The following DLK2 variants were observed in gnomAD, a reference collection of about 807,000 sequenced individuals.
DLK2 encodes the protein protein delta homolog 2.
DLK2 carries 9 observed loss-of-function variants against 31.3 expected under a neutral mutation model. That is an observed-to-expected ratio of 0.29 (90% CI 0.17 to 0.50). The LOEUF (loss-of-function observed/expected upper bound fraction) is 0.50. Ranked by LOEUF, DLK2 falls within the 20% of genes least tolerant of loss-of-function variation. DLK2 has a pLI of 0.98. For synonymous variants in DLK2, 169 were observed against 201.2 expected (o/e 0.84, Z 1.35); for missense variants, 387 against 526.1 (o/e 0.74, Z 2.59).
In DLK2 at chr6:43,451,097, G is replaced by A. The variant is rs752942681; in HGVS notation, c.594C>T (p.Cys198=). Residue 198 remains cysteine, a synonymous_variant, in exon 6 of 6, where the codon TGC becomes TGT. Transcript: ENST00000372488. The surrounding 1 kb of genome is among the most constrained non-coding windows in gnomAD (Gnocchi z 4.4). ...TCLDGINRFS[C]LCPEGFAGRF... ...GTCCAGCAAAGCCCTCAGGACAGAG[G>A]CAGGAGAAGCGGTTTATGCCGTCAA... is the stretch of plus-strand genomic sequence containing the variant. 5.6e-6 allele frequency: 9 copies of A among 1,614,260 alleles called. No homozygotes were observed. In the Admixed American group the frequency reaches 1.3e-4, roughly 24 times the overall value.
chr6:43,454,402 G>A lies in DLK2; in HGVS notation c.140+9C>T. On this transcript the variant is annotated intron_variant, in intron 3 of 5. Transcript: ENST00000372488. ...AAAGGGTTTGGGGGCACGTGCTCAG[G>A]ACAGGTACCTGCAGGAGCCGTCAGG... 6.2e-7 allele frequency: 1 copy of A among 1,602,808 alleles called. No homozygotes were observed. The highest frequency in any genetic ancestry group is 8.5e-7 in the Non-Finnish European group (1 of 1,176,128).
chr6:43,455,574 G>C (rs940586894), upstream of DLK2: 1 of 150,250 alleles, frequency 6.7e-6, no homozygotes, highest in African/African-American at 2.4e-5. Flanking sequence ...CCCGAGCGGC[G>C]GCAGCGGCTG....
Position 43,450,424 on chromosome 6 carries a change from G to T in DLK2, c.*115C>A. 8.4e-7 allele frequency: 1 copy of T among 1,185,200 alleles called. No homozygotes were observed. Among genetic ancestry groups the T allele is most frequent in the Non-Finnish European group, 1.2e-6 (1 of 866,040 alleles). 73.4% of individuals were successfully genotyped at this position (1,185,200 alleles called of 1,614,324 possible). A position where few individuals can be genotyped will look rare whatever the true frequency, so the allele number is the denominator to read the frequency against. ...GTATTAAAAAAATAATATTTCTGGTGTGAGGCTGAGGTCTCCTCTGTGTGT... is the reference window on the plus strand; with the variant it reads ...GTATTAAAAAAATAATATTTCTGGTTTGAGGCTGAGGTCTCCTCTGTGTGT... On this transcript the variant is annotated 3_prime_UTR_variant, in exon 6 of 6. Transcript: ENST00000372488. This position sits in a 1 kb window ranked among gnomAD's most constrained non-coding sequence, Gnocchi z 4.5.
chr6:43,452,262 C>T (rs1350125124), intron 4 of DLK2, among the ~76,000 whole-genome samples, 178 bp from the exon 5 acceptor site: 2 of 152,230 alleles, frequency 1.3e-5, no homozygotes, highest in Non-Finnish European at 2.9e-5. Context: ...CAGGAGGCTC[C>T]TGGCCCTGGC....
At position 43,450,544 on chromosome 6, in the gene DLK2, G is replaced by GTGC. The variant is rs1562210406; in HGVS notation, c.1144_1146dup (p.Ala382dup). 6.4e-7 allele frequency: 1 copy of GTGC among 1,557,184 alleles called. No homozygotes were observed. The highest frequency in any genetic ancestry group is 1.8e-5 in the Admixed American group (1 of 55,036). On this transcript the variant is annotated inframe_insertion, in exon 6 of 6. Coordinates refer to ENST00000372488, the MANE Select transcript of DLK2 (RefSeq NM_023932.4). The surrounding 1 kb of genome is among the most constrained non-coding windows in gnomAD (Gnocchi z 4.5). Reference sequence around the variant, plus strand: ...CCAGAAAGCCCCCACCTCCATCACAGTGCTGTGGTCTTTCCAGGCTCAGGG... The same window carrying GTGC: ...CCAGAAAGCCCCCACCTCCATCACAGTGCTGCTGTGGTCTTTCCAGGCTCAGGG...
In DLK2 at chr6:43,455,203, C is replaced by A. The variant is rs912301267; in HGVS notation, c.-56+192G>T. ...GACAGCGCCGAGAGGCGGCCTCGAG[C>A]ACGGAGGGGACGCGGGGGCCGGAGG... is the stretch of plus-strand genomic sequence containing the variant. On this transcript the variant is annotated intron_variant, in intron 1 of 5. Transcript: ENST00000372488. The A allele has an allele frequency of 5.2e-6, 3 of 579,994 alleles. No individual in the cohort carries two copies. In the Admixed American group the frequency reaches 1.9e-4, roughly 37 times the overall value. 35.9% of individuals were successfully genotyped at this position (579,994 alleles called of 1,614,324 possible). A position where few individuals can be genotyped will look rare whatever the true frequency, so the allele number is the denominator to read the frequency against.
rs762904685 is a variant in DLK2, at chr6:43,450,608, G to T, written c.1083C>A (p.Ser361Arg). The T allele has an allele frequency of 1.9e-6, 3 of 1,606,404 alleles. No individual in the cohort carries two copies. Among genetic ancestry groups the T allele is most frequent in the Non-Finnish European group, 2.6e-6 (3 of 1,175,426 alleles). The change falls in exon 6 of 6, where the codon AGC becomes AGA. Residue 361 changes from serine to arginine, a missense_variant. Physicochemically the swap from Ser to Arg is moderately radical, Grantham distance 110. Transcript: ENST00000372488. This position sits in a 1 kb window ranked among gnomAD's most constrained non-coding sequence, Gnocchi z 4.5. ...GCAGGGGGAGCCCTGCTGGCAGCAT[G>T]CTAACCTGACACTCCTGGTCCTGGC... ...PACQDQECQV[S>R]MLPAGLPLPR...
Position 43,454,394 on chromosome 6 carries a change from GT to G in DLK2, c.140+16del. ...TGGGTACCAAAGGGTTTGGGGGCAC[GT>G]GCTCAGGACAGGTACCTGCAGGAGC... On this transcript the variant is annotated intron_variant, in intron 3 of 5. Coordinates refer to ENST00000372488, the MANE Select transcript of DLK2 (RefSeq NM_023932.4). The G allele has an allele frequency of 6.2e-7, 1 of 1,600,010 alleles. No individual in the cohort carries two copies. The highest frequency in any genetic ancestry group is 1.1e-5 in the South Asian group (1 of 87,784).
intron 2 of DLK2, 108 bp downstream of exon 2, chr6:43,454,642 G>C (rs1581820242): frequency 7.0e-7 from 1 of 1,427,756 alleles, no homozygotes; most frequent in Admixed American, 2.1e-5. Context: ...GGTCTTGCTT[G>C]CCCCGCGGGT....
Position 43,453,101 on chromosome 6 carries a change from G to C in DLK2, c.175C>G (p.Arg59Gly), listed in dbSNP as rs1283785130. 1 of 1,613,668 alleles carries C rather than the reference G, an allele frequency of 6.2e-7. No homozygotes were observed. Among genetic ancestry groups the C allele is most frequent in the Non-Finnish European group, 8.5e-7 (1 of 1,179,794 alleles). Residue 59 changes from arginine to glycine, a missense_variant, in exon 4 of 6, where the codon CGC (arginine) becomes GGC (glycine). Transcript: ENST00000372488. The surrounding 1 kb of genome is among the most constrained non-coding windows in gnomAD (Gnocchi z 4.1). Reference protein sequence around the residue: ...DPGWEGLHCERCVRMPGCQHG... With the variant: ...DPGWEGLHCEGCVRMPGCQHG... ...TGGCAGCCAGGCATCCTCACACAGC[G>C]CTCACAGTGCAGCCCCTCCCAGCCC...
chr6:43,455,170 G>A, intron 1 of DLK2: 1 of 857,292 alleles, frequency 1.2e-6, no homozygotes, highest in Non-Finnish European at 1.4e-6. Flanking sequence ...AGGGGTCCGC[G>A]GGATGGGGAC....
At position 43,453,513 on chromosome 6, in the gene DLK2, C is replaced by T. The variant is rs961566815; in HGVS notation, c.141-378G>A. 6.6e-6 allele frequency among the ~76,000 whole-genome samples: 1 copy of T among 152,176 alleles called. No individual in the cohort carries two copies. Among genetic ancestry groups the T allele is most frequent in the Non-Finnish European group, 1.5e-5 (1 of 68,038 alleles). ...AATGACCTTGAAAGGCCATCAGGGC[C>T]GGGGCGTGGTTGCTCACGCCTGTAA... On this transcript the variant is annotated intron_variant, in intron 3 of 5. Transcript: ENST00000372488. The surrounding 1 kb of genome is among the most constrained non-coding windows in gnomAD (Gnocchi z 4.1).
chr6:43,453,831 C>T lies in DLK2; in HGVS notation c.140+580G>A, dbSNP rs997101887. 2.6e-5 allele frequency among the ~76,000 whole-genome samples: 4 copies of T among 151,814 alleles called. No individual in the cohort carries two copies. The highest frequency in any genetic ancestry group is 9.7e-5 in the African/African-American group (4 of 41,420). On this transcript the variant is annotated intron_variant, in intron 3 of 5. Coordinates refer to ENST00000372488, the MANE Select transcript of DLK2 (RefSeq NM_023932.4). The surrounding 1 kb of genome is among the most constrained non-coding windows in gnomAD (Gnocchi z 4.1). ...ATAAAAACAAAAAAGGTCATCAGGA[C>T]TATCCTCCCACCATGATTCCAGGGC...
chr6:43,454,811 G>T lies in DLK2; in HGVS notation c.15C>A (p.Cys5Ter). ...ACAGGCACACGAGATGCAGGCAGCG[G>T]CAGCCGCTGGGCATGGTCAGCGCCG... MPSG[C>*]RCLHLVCLLC... Residue 5 changes from cysteine (C) to a stop codon, truncating the protein, a stop_gained, in exon 2 of 6, where the codon TGC becomes TGA. Transcript: ENST00000372488. LOFTEE classifies it high-confidence loss of function. The T allele has an allele frequency of 6.4e-7, 1 of 1,552,830 alleles. No homozygotes were observed.
At position 43,451,826 on chromosome 6, in the gene DLK2, C is replaced by T; in HGVS notation, c.416+114G>A. The T allele has an allele frequency of 1.4e-6, 2 of 1,473,420 alleles. No individual in the cohort carries two copies. The highest frequency in any genetic ancestry group is 1.4e-5 in the African/African-American group (1 of 71,476). The allele number at this position is 1,473,420 out of a possible 1,614,324, so 91.3% of individuals were successfully genotyped here. A position where few individuals can be genotyped will look rare whatever the true frequency, so the allele number is the denominator to read the frequency against. On this transcript the variant is annotated intron_variant, in intron 5 of 5. Coordinates refer to ENST00000372488, the MANE Select transcript of DLK2 (RefSeq NM_023932.4). This position sits in a 1 kb window ranked among gnomAD's most constrained non-coding sequence, Gnocchi z 4.4. ...CATGCAGGGGTTTTATCTGAGTGTC[C>T]CCGTGTGGGTCTGACTCTCAGTCCC...
rs1025038732 is a variant in DLK2 at position 43,455,058 on chromosome 6, G to T, written c.-55-178C>A. ...AGGCGAAGAGAGCGAGGAGAGCGAA[G>T]ACAGGAACCCGGGAGCGGGGTCTGC... On this transcript the variant is annotated intron_variant, in intron 1 of 5. Coordinates refer to ENST00000372488, the MANE Select transcript of DLK2 (RefSeq NM_023932.4). The T allele has an allele frequency of 8.4e-4, 831 of 985,056 alleles. 1 individual carries two copies. The highest frequency in any genetic ancestry group is 9.6e-4 in the Non-Finnish European group (800 of 829,868). The allele number at this position is 985,056 out of a possible 1,614,324, so 61.0% of individuals were successfully genotyped here.
At chr6:43,455,123 G>A in intron 1 of DLK2, 1 of 981,122 alleles carries the variant, frequency 1.0e-6, no homozygotes, top group Non-Finnish European at 1.2e-6. Flanking sequence ...GAGGCCAGGC[G>A]CGGGAATGGC....
In DLK2 at chr6:43,453,495, T is replaced by G. The variant is rs1233638237; in HGVS notation, c.141-360A>C. Among the ~76,000 whole-genome samples, 4 of 152,166 alleles carry G rather than the reference T, an allele frequency of 2.6e-5. No homozygotes were observed. The highest frequency in any genetic ancestry group is 1.5e-5 in the Non-Finnish European group (1 of 68,034). On this transcript the variant is annotated intron_variant, in intron 3 of 5. Transcript: ENST00000372488. This position sits in a 1 kb window ranked among gnomAD's most constrained non-coding sequence, Gnocchi z 4.1. Reference sequence around the variant, plus strand: ...CACAAACATTTAAAGAAGAATGACCTTGAAAGGCCATCAGGGCCGGGGCGT... The same window carrying G: ...CACAAACATTTAAAGAAGAATGACCGTGAAAGGCCATCAGGGCCGGGGCGT...
Position 43,454,798 on chromosome 6 carries a change from G to A in DLK2, c.28C>T (p.Leu10Phe), listed in dbSNP as rs184094141. ...CCCAGAATGCACAACAGGCACACGA[G>A]ATGCAGGCAGCGGCAGCCGCTGGGC... MPSGCRCLH[L>F]VCLLCILGAP... The change falls in exon 2 of 6, where the codon CTC (leucine) becomes TTC (phenylalanine). Residue 10 changes from leucine (L) to phenylalanine (F), a missense_variant. Transcript: ENST00000372488. 2.2e-4 allele frequency: 347 copies of A among 1,557,570 alleles called. 1 individual carries two copies. The African/African-American group carries it at 4.2e-3, about 19-fold the overall frequency.
Sources: allele counts gnomAD v4.1 joint callset (sites outside exome capture counted in the v4.1 genomes callset), GRCh38; gene constraint gnomAD v4.1.1; non-coding constraint Gnocchi (gnomAD v3.1); transcripts MANE v1.5; gene names NCBI Gene and HGNC (gene_info 2026-07-23, HGNC 2026-07-21).